MTUS2: variants seen among roughly 807,000 people sequenced by gnomAD.
MTUS2 encodes microtubule-associated tumor suppressor candidate 2.
A neutral mutation model predicts 114.1 loss-of-function variants in MTUS2; 40 were observed. The observed-to-expected ratio is 0.35, with a 90% confidence interval of 0.27 to 0.46. The LOEUF (loss-of-function observed/expected upper bound fraction) is 0.46, where lower values mean the gene tolerates loss of function less well. Ranked by LOEUF, MTUS2 falls within the 20% of genes least tolerant of loss-of-function variation. The probability of loss-of-function intolerance (pLI) is 1.00; values close to 1 mark genes in which losing one functional copy is unlikely to be tolerated. For synonymous variants in MTUS2, 688 were observed against 672.0 expected, an observed-to-expected ratio of 1.02 and a Z score of -0.37; for missense variants, 1,679 against 1,705.4, an observed-to-expected ratio of 0.98 and a Z score of 0.27.
chr13:28,894,892 G>T (rs1213910181), intron 2 of MTUS2, among the ~76,000 whole-genome samples: 3 of 152,150 alleles, frequency 2.0e-5, no homozygotes, highest in African/African-American at 7.2e-5. Flanking sequence ...AGAAGTTCTT[G>T]GATGTATAGT....
At position 28,895,421 on chromosome 13, in the gene MTUS2, C is replaced by T. The variant is rs74530247; in HGVS notation, c.-243+55571C>T. On this transcript the variant is annotated intron_variant, in intron 2 of 15. Coordinates refer to ENST00000612955, the MANE Select transcript of MTUS2 (RefSeq NM_001033602.4). ...AACTATTTTGAGGAGTTCTGTAAGT[C>T]AAAAAAATTATAGTTGAGTATTGTG... Among the ~76,000 whole-genome samples, 140 of 152,058 alleles carry T rather than the reference C, an allele frequency of 9.2e-4. 3 individuals carry two copies. In the East Asian group the frequency reaches 0.024, roughly 26 times the overall value.
At chr13:29,481,820 T>C (rs970621161) in intron 10 of MTUS2, among the ~76,000 whole-genome samples, 1 of 152,146 alleles carries the variant, frequency 6.6e-6, no homozygotes, top group Non-Finnish European at 1.5e-5. Flanking sequence ...CAGACACACC[T>C]CCCTGTTTGA....
intron 6 of MTUS2, among the ~76,000 whole-genome samples, chr13:29,285,575 T>C (rs746084676): frequency 2.0e-5 from 3 of 152,180 alleles, no homozygotes; most frequent in Non-Finnish European, 4.4e-5. Context: ...ACTGATTTAC[T>C]AGAAGTACAA....
intron 9 of MTUS2, among the ~76,000 whole-genome samples, chr13:29,476,336 T>G (rs1880700189): frequency 6.8e-6 from 1 of 147,464 alleles, no homozygotes. Flanking sequence ...TATGTGTGTT[T>G]GTATATACAA....
At position 29,370,314 on chromosome 13, in the gene MTUS2, C is replaced by T. The variant is rs2892434; in HGVS notation, c.3117+10841C>T. Among the ~76,000 whole-genome samples, 586 of 152,082 alleles carry T rather than the reference C, an allele frequency of 3.9e-3. 3 individuals are homozygous for T. Among genetic ancestry groups the T allele is most frequent in the African/African-American group, 0.013 (549 of 41,472 alleles). On this transcript the variant is annotated intron_variant, in intron 8 of 15. Transcript: ENST00000612955. ...GAGGTAGGGCCTTTAAGATGTGATT[C>T]GGCTGGGTGTGGTGGTGTGCATCTG... is the stretch of plus-strand genomic sequence containing the variant.
chr13:28,996,492 C>A (rs1371184948), intron 2 of MTUS2, among the ~76,000 whole-genome samples: 1 of 152,150 alleles, frequency 6.6e-6, no homozygotes, highest in African/African-American at 2.4e-5. Flanking sequence ...CCTCCTTGTA[C>A]CTCTGGTAGA....
intron 5 of MTUS2, among the ~76,000 whole-genome samples, chr13:29,201,208 A>G (rs1894940553): frequency 6.6e-6 from 1 of 152,100 alleles, no homozygotes; most frequent in African/African-American, 2.4e-5. Context: ...TTGGGTGCAT[A>G]TATGTTTAGA....
chr13:29,294,222 G>A (rs571068772), intron 6 of MTUS2, among the ~76,000 whole-genome samples: 1 of 151,744 alleles, frequency 6.6e-6, no homozygotes, highest in South Asian at 2.1e-4. Flanking sequence ...TCTCTATATG[G>A]GTATGATTTT....
chr13:28,981,746 A>G (rs758420927), intron 2 of MTUS2, among the ~76,000 whole-genome samples: 10 of 151,732 alleles, frequency 6.6e-5, no homozygotes, highest in Non-Finnish European at 1.3e-4. Flanking sequence ...GCACTTTTCT[A>G]GCTGTCATCG....
chr13:29,375,861 C>T (rs969362557), intron 8 of MTUS2, among the ~76,000 whole-genome samples: 3 of 150,942 alleles, frequency 2.0e-5, no homozygotes, highest in East Asian at 2.0e-4. Context: ...GGGAAAGGCA[C>T]GAGGGATGAA....
chr13:29,307,258 G>T, intron 6 of MTUS2: 1 of 635,954 alleles, frequency 1.6e-6, no homozygotes. Flanking sequence ...AGCACCCCTG[G>T]CCAAAGTCAT....
intron 5 of MTUS2, among the ~76,000 whole-genome samples, chr13:29,160,567 G>C (rs932361599): frequency 1.3e-5 from 2 of 152,090 alleles, no homozygotes; most frequent in Non-Finnish European, 2.9e-5. Flanking sequence ...TCAGGAGATC[G>C]AGACCATCCT....
chr13:29,249,592 G>A lies in MTUS2; in HGVS notation c.2645-32112G>A, dbSNP rs559628033. Among the ~76,000 whole-genome samples, 8 of 152,140 alleles carry A rather than the reference G, an allele frequency of 5.3e-5. 1 individual carries two copies. The highest frequency in any genetic ancestry group is 1.9e-4 in the African/African-American group (8 of 41,490). The stretch of plus-strand genomic sequence containing the variant: ...TGAGCTTTTTTTAATATGTTTGTTG[G>A]CGGCATAAATGTCTTCTTTTGAGAA... On this transcript the variant is annotated intron_variant, in intron 5 of 15. Coordinates refer to ENST00000612955, the MANE Select transcript of MTUS2 (RefSeq NM_001033602.4).
chr13:29,357,099 A>G (rs1423838370), intron 7 of MTUS2, among the ~76,000 whole-genome samples: 2 of 152,224 alleles, frequency 1.3e-5, no homozygotes, highest in African/African-American at 4.8e-5. Context: ...CACCAATATC[A>G]AAGTAAGTGC....
At chr13:29,433,022 G>A (rs1247371246) in intron 8 of MTUS2, among the ~76,000 whole-genome samples, 1 of 152,186 alleles carries the variant, frequency 6.6e-6, no homozygotes, top group Non-Finnish European at 1.5e-5. Flanking sequence ...TTAAAACGCA[G>A]GCAACTGGCT....
intron 5 of MTUS2, among the ~76,000 whole-genome samples, chr13:29,139,760 C>T (rs928745051): frequency 6.6e-6 from 1 of 152,178 alleles, no homozygotes; most frequent in Admixed American, 6.5e-5. Context: ...CTGGTTTTAA[C>T]ACTTACCACT....
At chr13:28,918,555 T>C (rs533623146) in intron 2 of MTUS2, among the ~76,000 whole-genome samples, 2 of 152,146 alleles carry the variant, frequency 1.3e-5, no homozygotes, top group African/African-American at 4.8e-5. Context: ...TGTGTGCATC[T>C]TCATAGGTGA....
At chr13:29,141,894 C>T (rs2139004266) in intron 5 of MTUS2, among the ~76,000 whole-genome samples, 1 of 149,620 alleles carries the variant, frequency 6.7e-6, no homozygotes, top group Non-Finnish European at 1.5e-5. Flanking sequence ...GACTCTCACG[C>T]TGTTGCCCAG....
intron 3 of MTUS2, among the ~76,000 whole-genome samples, chr13:29,030,245 G>C (rs762580915): frequency 6.6e-6 from 1 of 152,194 alleles, no homozygotes; most frequent in Non-Finnish European, 1.5e-5. Context: ...TATGGACATT[G>C]TGTGGCTTTG....
Sources: gnomAD v4.1 joint callset for allele counts (sites outside exome capture counted in the v4.1 genomes callset) on GRCh38, gnomAD v4.1.1 for gene constraint, MANE v1.5 for transcripts, NCBI Gene and HGNC (gene_info 2026-07-23, HGNC 2026-07-21) for gene names.